Variants in EFNA5 observed in about 807,000 individuals in gnomAD.
EFNA5 encodes ephrin A5.
In EFNA5, 5 loss-of-function variants were observed where a neutral mutation model predicts 22.9. The observed-to-expected ratio is 0.22, with a 90% CI of 0.11 to 0.46. The LOEUF (loss-of-function observed/expected upper bound fraction) is 0.46, where lower values mean the gene tolerates loss of function less well. EFNA5 is among the 20% of genes least tolerant of loss of function. The pLI is 0.99. For missense variants in EFNA5, 237 were observed against 293.3 expected (o/e 0.81, Z 1.40); for synonymous variants, 113 against 112.2 (o/e 1.01, Z -0.04).
At chr5:107,540,868 G>A (rs2112459982) in intron 1 of EFNA5, among the ~76,000 whole-genome samples, 1 of 152,282 alleles carries the variant, frequency 6.6e-6, no homozygotes, top group Middle Eastern at 3.4e-3. Flanking sequence ...CTGTAATCCA[G>A]CACTTTGGGA....
At chr5:107,578,266 A>G (rs1748967896) in intron 1 of EFNA5, among the ~76,000 whole-genome samples, 1 of 152,350 alleles carries the variant, frequency 6.6e-6, no homozygotes, top group South Asian at 2.1e-4. Context: ...GCTATGAGTC[A>G]ATCCAACTGG....
rs1434593822 is a variant in EFNA5 at position 107,617,235 on chromosome 5, C to CAG, written c.125+53253_125+53254insCT. On this transcript the variant is annotated intron_variant, in intron 1 of 4. Coordinates refer to ENST00000333274, the MANE Select transcript of EFNA5 (RefSeq NM_001962.3). Reference sequence around the variant, plus strand: ...ACACACACACACACACACACACACACACAGAGAGAGAGAGAGAGAGAGAAA... The same window carrying CAG: ...ACACACACACACACACACACACACACAGACAGAGAGAGAGAGAGAGAGAGAAA... Among the ~76,000 whole-genome samples, 273 of 148,522 alleles carry CAG rather than the reference C, an allele frequency of 1.8e-3. 7 individuals are homozygous for CAG. The East Asian group carries it at 0.04, about 22-fold the overall frequency.
chr5:107,611,479 T>C (rs550914037), intron 1 of EFNA5, among the ~76,000 whole-genome samples: 14 of 152,354 alleles, frequency 9.2e-5, no homozygotes, highest in African/African-American at 3.1e-4. Flanking sequence ...TTCCTCAATA[T>C]AGTAAAAGAG....
chr5:107,418,769 G>A (rs1292146015), intron 2 of EFNA5, among the ~76,000 whole-genome samples: 2 of 152,072 alleles, frequency 1.3e-5, no homozygotes, highest in African/African-American at 2.4e-5. Flanking sequence ...TAACTTTTAA[G>A]GCTCCTTTTG....
rs1171998851 is a variant in EFNA5, at chr5:107,378,594, A to G, written c.*2661T>C. The G allele has an allele frequency of 6.6e-6, 1 of 152,238 alleles. No homozygotes were observed. Among genetic ancestry groups the G allele is most frequent in the Non-Finnish European group, 1.5e-5 (1 of 68,044 alleles). 9.4% of individuals were successfully genotyped at this position (152,238 alleles called of 1,614,324 possible). A position where few individuals can be genotyped will look rare whatever the true frequency, so the allele number is the denominator to read the frequency against. Reference sequence around the variant, plus strand: ...TTGAAAACTCCATGGCAAGTGCATTAGCTATGATTTCATCACTTACAGGTA... The same window carrying G: ...TTGAAAACTCCATGGCAAGTGCATTGGCTATGATTTCATCACTTACAGGTA... On this transcript the variant is annotated 3_prime_UTR_variant, in exon 5 of 5. Transcript: ENST00000333274.
chr5:107,594,811 C>T (rs1358864938), intron 1 of EFNA5, among the ~76,000 whole-genome samples: 3 of 152,198 alleles, frequency 2.0e-5, no homozygotes, highest in Admixed American at 6.5e-5. Flanking sequence ...GAAATTACAA[C>T]ACCCAGGAAT....
At chr5:107,562,128 A>G (rs1561433707) in intron 1 of EFNA5, among the ~76,000 whole-genome samples, 2 of 152,304 alleles carry the variant, frequency 1.3e-5, no homozygotes, top group East Asian at 3.9e-4. Flanking sequence ...TTCATCTAGG[A>G]GTTTCTTTGA....
chr5:107,545,893 T>C (rs1382277031), intron 1 of EFNA5, among the ~76,000 whole-genome samples: 1 of 152,162 alleles, frequency 6.6e-6, no homozygotes, highest in Non-Finnish European at 1.5e-5. Flanking sequence ...GTGATTTCTA[T>C]GAACTAAGAG....
intron 1 of EFNA5, among the ~76,000 whole-genome samples, chr5:107,493,434 T>G (rs896513524): frequency 3.3e-5 from 5 of 152,230 alleles, no homozygotes; most frequent in Non-Finnish European, 7.3e-5. Flanking sequence ...TCTCTTTAGC[T>G]AGGCCCTACC....
intron 1 of EFNA5, among the ~76,000 whole-genome samples, chr5:107,569,672 A>C (rs1282843503): frequency 6.9e-6 from 1 of 145,450 alleles, no homozygotes; most frequent in Non-Finnish European, 1.5e-5. Flanking sequence ...CAACATGGTA[A>C]AACCCCATCT....
At chr5:107,547,471 T>C (rs1002668040) in intron 1 of EFNA5, among the ~76,000 whole-genome samples, 2 of 152,042 alleles carry the variant, frequency 1.3e-5, no homozygotes, top group Non-Finnish European at 2.9e-5. Flanking sequence ...CAAAGCTCTC[T>C]TGGTTAGGAA....
chr5:107,382,001 C>A (rs1008810715), intron 4 of EFNA5, among the ~76,000 whole-genome samples: 2 of 152,190 alleles, frequency 1.3e-5, no homozygotes, highest in African/African-American at 4.8e-5. Flanking sequence ...AATTATGGTG[C>A]TATTTCTATT....
At chr5:107,511,037 TGTGTGA>T (rs199911998) in intron 1 of EFNA5, among the ~76,000 whole-genome samples, 7 of 151,362 alleles carry the variant, frequency 4.6e-5, no homozygotes, top group East Asian at 1.9e-4. Context: ...TGTGTGTGTG[TGTGTGA>T]GACGGAGAGT....
In EFNA5 at chr5:107,405,875, A is replaced by G. The variant is rs1000184262; in HGVS notation, c.419-18104T>C. 9.3e-4 allele frequency among the ~76,000 whole-genome samples: 137 copies of G among 147,344 alleles called. 4 individuals carry two copies. The South Asian group carries it at 0.021, about 23-fold the overall frequency. On this transcript the variant is annotated intron_variant, in intron 2 of 4. Coordinates refer to ENST00000333274, the MANE Select transcript of EFNA5 (RefSeq NM_001962.3). ...ATACATAGAATGTATACAAATACAT[A>G]TATTTGTATACATATTCTATGTATT...
At chr5:107,631,880 T>C (rs1371089193) in intron 1 of EFNA5, among the ~76,000 whole-genome samples, 1 of 152,212 alleles carries the variant, frequency 6.6e-6, no homozygotes, top group Non-Finnish European at 1.5e-5. Context: ...TTCAATTTGA[T>C]TTTTTTCACT....
intron 2 of EFNA5, among the ~76,000 whole-genome samples, chr5:107,395,090 GTGCAGTGGTGTAATCTCAGCTCAC>G (rs1406648305): frequency 7.5e-6 from 1 of 132,602 alleles, no homozygotes; most frequent in Non-Finnish European, 1.5e-5. Flanking sequence ...CCAGGCTGGA[GTGCAGTGGTGTAATCTCAGCTCAC>G]TGCAACTTCC....
chr5:107,565,868 G>T (rs1233608688), intron 1 of EFNA5, among the ~76,000 whole-genome samples: 1 of 152,212 alleles, frequency 6.6e-6, no homozygotes, highest in Non-Finnish European at 1.5e-5. Context: ...AGATGGAGGA[G>T]AAAAAGTTAA....
intron 1 of EFNA5, among the ~76,000 whole-genome samples, chr5:107,529,128 C>T (rs1339645384): frequency 3.9e-5 from 6 of 151,924 alleles, no homozygotes; most frequent in South Asian, 2.1e-4. Flanking sequence ...AAGATTGTTC[C>T]GAGTTTATTT....
At chr5:107,630,304 C>T (rs1372585065) in intron 1 of EFNA5, among the ~76,000 whole-genome samples, 1 of 152,142 alleles carries the variant, frequency 6.6e-6, no homozygotes, top group Non-Finnish European at 1.5e-5. Flanking sequence ...GAAAGTCATA[C>T]AGTGTACTTA....
Sources: allele counts gnomAD v4.1 joint callset (sites outside exome capture counted in the v4.1 genomes callset), GRCh38; gene constraint gnomAD v4.1.1; transcripts MANE v1.5; gene names NCBI Gene and HGNC (gene_info 2026-07-23, HGNC 2026-07-21).